The following ZNF91 variants were observed in gnomAD, a reference collection of about 807,000 sequenced individuals.
ZNF91 encodes zinc finger protein 91 (HPF7, HTF10).
Under a neutral mutation model 12.6 loss-of-function variants are expected in ZNF91, and 7 were observed. The observed-to-expected ratio is 0.55, with a 90% CI of 0.31 to 1.04. ZNF91 has a LOEUF of 1.04. ZNF91 is among the 50% of genes least tolerant of loss of function. ZNF91 has a pLI of 0.05. For synonymous variants in ZNF91, 453 were observed against 462.6 expected (o/e 0.98, Z 0.27); for missense variants, 1,217 against 1,385.4 (o/e 0.88, Z 1.93).
At chr19:23,337,526 A>C (rs1968038092), downstream of ZNF91, among the ~76,000 whole-genome samples, 1 of 151,940 alleles carries the variant, frequency 6.6e-6, no homozygotes, top group Non-Finnish European at 1.5e-5. Context: ...AAAATGAAAC[A>C]ACTATTTCTC....
intron 3 of ZNF91, among the ~76,000 whole-genome samples, chr19:23,363,900 T>C (rs1599728600): frequency 6.6e-6 from 1 of 151,918 alleles, no homozygotes; most frequent in African/African-American, 2.4e-5. Context: ...GAAAAAATGA[T>C]GTAAAAATAA....
chr19:23,362,725 C>T lies in ZNF91; in HGVS notation c.254G>A (p.Gly85Asp). The change falls in exon 4 of 4, where the codon GGT (glycine) becomes GAT (aspartate). Residue 85 changes from glycine (G) to aspartate (D), a missense_variant and splice_region_variant. Transcript: ENST00000300619. ...GTCTTGAGGAAAATGAGGACATATACCTGAAAAAAAAAAACTAAAAATAAT... is the reference window on the plus strand; with the variant it reads ...GTCTTGAGGAAAATGAGGACATATATCTGAAAAAAAAAAACTAAAAATAAT... ...KQHEMVDEPT[G>D]ICPHFPQDFW... 6.9e-7 allele frequency: 1 copy of T among 1,445,970 alleles called. No homozygotes were observed. The highest frequency in any genetic ancestry group is 1.8e-5 in the South Asian group (1 of 56,214). The allele number at this position is 1,445,970 out of a possible 1,614,324, so 89.6% of individuals were successfully genotyped here. A position where few individuals can be genotyped will look rare whatever the true frequency, so the allele number is the denominator to read the frequency against.
intron 1 of ZNF91, among the ~76,000 whole-genome samples, chr19:23,323,634 CTCCT>C (rs1296706030): frequency 4.3e-5 from 6 of 140,820 alleles, no homozygotes; most frequent in Non-Finnish European, 7.6e-5. Context: ...CTTTCTCCTC[CTCCT>C]TCTCTTCTCC....
At chr19:23,323,328 T>G (rs1280778717) in intron 1 of ZNF91, among the ~76,000 whole-genome samples, 1 of 145,658 alleles carries the variant, frequency 6.9e-6, no homozygotes, top group African/African-American at 2.5e-5. Flanking sequence ...CTCCATCTTC[T>G]CCTCGTCCTC....
intron 1 of ZNF91, chr19:23,384,419 T>G: frequency 4.3e-5 from 12 of 279,808 alleles, no homozygotes; most frequent in Non-Finnish European, 8.3e-5. Flanking sequence ...TGAAGCCACT[T>G]GAGAAAAATT....
intron 3 of ZNF91, among the ~76,000 whole-genome samples, chr19:23,347,432 A>T (rs911471172): frequency 5.3e-5 from 8 of 152,114 alleles, no homozygotes; most frequent in Non-Finnish European, 1.5e-5. Context: ...TTTTGGTGGG[A>T]AATCTAGCAG....
At chr19:23,367,448 G>A (rs12983283) in intron 3 of ZNF91, among the ~76,000 whole-genome samples, 28,630 of 151,852 alleles carry the variant, frequency 0.19, 2,916 homozygotes, top group Non-Finnish European at 0.21. Context: ...TTTTTGCACA[G>A]GAATAAAAAA....
intron 1 of ZNF91, chr19:23,328,844 TTGGATTTTATAGCTGGG>T (rs1438924709): frequency 6.6e-6 from 1 of 152,250 alleles, no homozygotes; most frequent in Non-Finnish European, 1.5e-5. Flanking sequence ...CTTCCTGATC[TTGGATTTTATAGCTGGG>T]TGGATGGTGG....
upstream of ZNF91, among the ~76,000 whole-genome samples, chr19:23,314,417 T>C (rs1164277821): frequency 6.6e-6 from 1 of 152,152 alleles, no homozygotes; most frequent in African/African-American, 2.4e-5. Context: ...GTGATTGTTC[T>C]TGCTGGTTCC....
chr19:23,324,931 T>C (rs1474051172), intron 1 of ZNF91: 2 of 151,876 alleles, frequency 1.3e-5, no homozygotes, highest in Non-Finnish European at 2.9e-5. Flanking sequence ...CTTCTGTCCA[T>C]GCATGTCCTC....
At chr19:23,319,741 T>C (rs564587667) in intron 1 of ZNF91, among the ~76,000 whole-genome samples, 6 of 152,284 alleles carry the variant, frequency 3.9e-5, no homozygotes, top group Non-Finnish European at 2.9e-5. Flanking sequence ...TCACAGAAGA[T>C]TGTGACATAT....
intron 1 of ZNF91, among the ~76,000 whole-genome samples, chr19:23,375,253 C>T (rs1048246005): frequency 7.9e-5 from 12 of 152,130 alleles, no homozygotes; most frequent in Admixed American, 3.3e-4. Context: ...CTCCGCCTCC[C>T]GGGTTCCGTG....
At chr19:23,374,892 A>G (rs1199105042) in intron 1 of ZNF91, 128 bp from the exon 2 acceptor site, 2 of 1,440,302 alleles carry the variant, frequency 1.4e-6, no homozygotes, top group Non-Finnish European at 1.9e-6. Context: ...AAATTATCCA[A>G]TAAAATAATT....
chr19:23,386,121 A>T (rs1026856390), intron 1 of ZNF91, among the ~76,000 whole-genome samples: 2 of 152,192 alleles, frequency 1.3e-5, no homozygotes, highest in Admixed American at 1.3e-4. Context: ...AAGGTGAAAG[A>T]TCTCTATAAG....
At chr19:23,336,984 G>A (rs1039228899), downstream of ZNF91, among the ~76,000 whole-genome samples, 1 of 152,056 alleles carries the variant, frequency 6.6e-6, no homozygotes, top group African/African-American at 2.4e-5. Context: ...TAGTGGTTGT[G>A]TTTAATTTAT....
rs141066682 is a variant in ZNF91 at position 23,344,386 on chromosome 19, G to A, written c.254-5332C>T. Among the ~76,000 whole-genome samples the A allele has an allele frequency of 5.2e-4, 79 of 152,080 alleles. 2 individuals carry two copies. In the East Asian group the frequency reaches 0.013, roughly 25 times the overall value. On this transcript the variant is annotated intron_variant, in intron 3 of 3. Transcript: ENST00000599743. Reference sequence around the variant, plus strand: ...TGGGATTACAGAGGTGAGCCACCGCGCCCGGCAAAAAACATAAATTATAAT... The same window carrying A: ...TGGGATTACAGAGGTGAGCCACCGCACCCGGCAAAAAACATAAATTATAAT...
chr19:23,363,333 A>G (rs10407220), intron 3 of ZNF91, among the ~76,000 whole-genome samples: 1,533 of 152,322 alleles, frequency 0.01, 22 homozygotes, highest in African/African-American at 0.034. Flanking sequence ...AAACCGTGGC[A>G]TAATTTGGAA....
At chr19:23,320,091 G>A (rs892575422) in intron 1 of ZNF91, among the ~76,000 whole-genome samples, 1 of 152,070 alleles carries the variant, frequency 6.6e-6, no homozygotes, top group Non-Finnish European at 1.5e-5. Flanking sequence ...CTCACACATG[G>A]ACACAACCCA....
intron 1 of ZNF91, among the ~76,000 whole-genome samples, chr19:23,394,206 A>T (rs1408981644): frequency 2.0e-5 from 3 of 152,144 alleles, no homozygotes; most frequent in African/African-American, 7.2e-5. Context: ...CATGTAAAAA[A>T]TTCAGGGAAA....
Sources: gnomAD v4.1 joint callset for allele counts (sites outside exome capture counted in the v4.1 genomes callset) on GRCh38, gnomAD v4.1.1 for gene constraint, MANE v1.5 for transcripts, NCBI Gene and HGNC (gene_info 2026-07-23, HGNC 2026-07-21) for gene names.